Variants in ARHGAP10 observed in about 807,000 individuals in gnomAD.
The protein encoded by ARHGAP10 is Rho GTPase activating protein 10, also known as rho GTPase-activating protein 10.
Under a neutral mutation model 108.6 loss-of-function variants are expected in ARHGAP10, and 87 were observed. The observed-to-expected ratio is 0.80, with a 90% confidence interval of 0.67 to 0.96. The LOEUF (loss-of-function observed/expected upper bound fraction) is 0.96. Among genes scored for constraint, ARHGAP10 ranks in the 40% least tolerant of loss-of-function variants. The pLI is 0.00. For missense variants in ARHGAP10, 939 were observed against 954.5 expected (o/e 0.98, Z 0.21); for synonymous variants, 347 against 341.1 (o/e 1.02, Z -0.19).
intron 10 of ARHGAP10, among the ~76,000 whole-genome samples, chr4:147,889,639 T>G (rs1735710454): frequency 6.6e-6 from 1 of 151,412 alleles, no homozygotes; most frequent in South Asian, 2.1e-4. Context: ...TCTCAGTTGA[T>G]TGTATATGTC....
chr4:147,838,628 G>A (rs1733269941), intron 3 of ARHGAP10, among the ~76,000 whole-genome samples: 1 of 152,092 alleles, frequency 6.6e-6, no homozygotes, highest in Non-Finnish European at 1.5e-5. Flanking sequence ...CAACCTCTCG[G>A]CCTCAACTAG....
chr4:147,924,463 T>C (rs976283831), intron 13 of ARHGAP10, among the ~76,000 whole-genome samples: 8 of 152,220 alleles, frequency 5.3e-5, no homozygotes, highest in Admixed American at 2.0e-4. Flanking sequence ...ATTCTATCCT[T>C]ACAATAAATC....
At chr4:147,989,578 C>G (rs1426214001) in intron 18 of ARHGAP10, among the ~76,000 whole-genome samples, 1 of 152,184 alleles carries the variant, frequency 6.6e-6, no homozygotes, top group Non-Finnish European at 1.5e-5. Context: ...AAAAAGAATT[C>G]AGCGATATTT....
intron 18 of ARHGAP10, among the ~76,000 whole-genome samples, chr4:148,009,863 T>C (rs1405742531): frequency 3.3e-5 from 5 of 152,288 alleles, no homozygotes; most frequent in South Asian, 2.1e-4. Context: ...GGACCTCAAG[T>C]GTTGGAAGCG....
chr4:148,020,544 T>TG (rs1553971884), intron 18 of ARHGAP10, among the ~76,000 whole-genome samples: 6 of 149,536 alleles, frequency 4.0e-5, no homozygotes, highest in African/African-American at 1.5e-4. Context: ...CATGCGTTTT[T>TG]TGTTTTTTTT....
intron 1 of ARHGAP10, among the ~76,000 whole-genome samples, chr4:147,788,568 C>T (rs979996206): frequency 1.3e-5 from 2 of 152,164 alleles, no homozygotes; most frequent in Non-Finnish European, 2.9e-5. Context: ...AGGAGATCAG[C>T]ACATGGGGCT....
intron 14 of ARHGAP10, among the ~76,000 whole-genome samples, chr4:147,944,788 G>C (rs1738306089): frequency 6.6e-6 from 1 of 152,122 alleles, no homozygotes; most frequent in Admixed American, 6.5e-5. Context: ...TGCATAGTAG[G>C]TGTGTAGAAA....
intron 19 of ARHGAP10, among the ~76,000 whole-genome samples, chr4:148,032,345 C>G (rs935287644): frequency 1.3e-4 from 8 of 63,526 alleles, no homozygotes; most frequent in African/African-American, 4.3e-4. Flanking sequence ...CCCCCCCCCC[C>G]CATATTGTAG....
intron 1 of ARHGAP10, among the ~76,000 whole-genome samples, chr4:147,811,579 A>G (rs1280251418): frequency 3.0e-5 from 3 of 98,822 alleles, no homozygotes; most frequent in Non-Finnish European, 7.6e-5. Context: ...CAAATATGCA[A>G]TGGCTTTTTT....
intron 18 of ARHGAP10, among the ~76,000 whole-genome samples, chr4:147,999,169 C>T (rs1740595136): frequency 6.6e-6 from 1 of 152,170 alleles, no homozygotes; most frequent in African/African-American, 2.4e-5. Flanking sequence ...ACTTAGCTCA[C>T]ACCTGACCAA....
At chr4:147,972,637 G>T (rs1474463575) in intron 18 of ARHGAP10, among the ~76,000 whole-genome samples, 1 of 152,306 alleles carries the variant, frequency 6.6e-6, no homozygotes, top group East Asian at 1.9e-4. Flanking sequence ...TAGTGTCAGG[G>T]TTGTCTAGGG....
chr4:148,031,040 C>T (rs1267554031), intron 19 of ARHGAP10, among the ~76,000 whole-genome samples: 1 of 151,994 alleles, frequency 6.6e-6, no homozygotes, highest in Non-Finnish European at 1.5e-5. Context: ...GCCTGGGTGA[C>T]AGATCAAGAC....
chr4:147,938,318 G>A (rs1738032259), intron 13 of ARHGAP10, among the ~76,000 whole-genome samples: 1 of 151,822 alleles, frequency 6.6e-6, no homozygotes, highest in South Asian at 2.1e-4. Context: ...CATGACACAG[G>A]TTTATTATCT....
At chr4:147,772,371 C>G (rs1002403652) in intron 1 of ARHGAP10, among the ~76,000 whole-genome samples, 4 of 152,186 alleles carry the variant, frequency 2.6e-5, no homozygotes, top group Admixed American at 2.6e-4. Context: ...CTGCCTTTCT[C>G]CTCTCTCCTC....
chr4:147,866,680 G>C (rs773710128), intron 6 of ARHGAP10, 32 bp from the exon 7 acceptor site: 2 of 1,510,288 alleles, frequency 1.3e-6, no homozygotes, highest in Non-Finnish European at 1.8e-6. Flanking sequence ...GAGTTTTTTT[G>C]TGCTAATATC....
chr4:147,849,561 T>C (rs1049109305), intron 4 of ARHGAP10, among the ~76,000 whole-genome samples: 4 of 152,208 alleles, frequency 2.6e-5, no homozygotes, highest in African/African-American at 9.6e-5. Context: ...GTTGACCACA[T>C]CAGAATTTTT....
chr4:147,754,380 A>G (rs1214995598), intron 1 of ARHGAP10, among the ~76,000 whole-genome samples: 1 of 152,154 alleles, frequency 6.6e-6, no homozygotes, highest in East Asian at 1.9e-4. Context: ...GGGGCTAGAA[A>G]GCTGTTTTGG....
intron 1 of ARHGAP10, among the ~76,000 whole-genome samples, chr4:147,753,787 T>C (rs557753348): frequency 3.5e-4 from 53 of 152,352 alleles, no homozygotes; most frequent in Non-Finnish European, 6.3e-4. Flanking sequence ...CACGTATTCA[T>C]GAATGTTGAA....
rs1253883737 is a variant in ARHGAP10 at position 147,911,993 on chromosome 4, ACGTG to A, written c.1163-1080_1163-1077del. ...ATTCTCAAGTAATTTAAGAACATTC[ACGTG>A]TGTGTGTGTGTGTGTGTGTGTGTGT... On this transcript the variant is annotated intron_variant, in intron 12 of 22. Transcript: ENST00000336498. Among the ~76,000 whole-genome samples, 578 of 108,682 alleles carry A rather than the reference ACGTG, an allele frequency of 5.3e-3. 5 individuals are homozygous for A. Among genetic ancestry groups the A allele is most frequent in the African/African-American group, 0.022 (508 of 23,212 alleles). 71.3% of individuals were successfully genotyped at this position (108,682 alleles called of 152,430 possible). A position where few individuals can be genotyped will look rare whatever the true frequency, so the allele number is the denominator to read the frequency against.
Sources: allele counts gnomAD v4.1 joint callset (sites outside exome capture counted in the v4.1 genomes callset), GRCh38; gene constraint gnomAD v4.1.1; transcripts MANE v1.5; gene names NCBI Gene and HGNC (gene_info 2026-07-23, HGNC 2026-07-21).